The following ATP6V0A2 variants were observed in gnomAD, a reference collection of about 807,000 sequenced individuals.
The protein encoded by ATP6V0A2 is ATPase H+ transporting V0 subunit a2.
A neutral mutation model predicts 104.4 loss-of-function variants in ATP6V0A2; 58 were observed. That is an observed-to-expected ratio of 0.56 (90% CI 0.45 to 0.69). ATP6V0A2 has a LOEUF of 0.69. Among genes scored for constraint, ATP6V0A2 ranks in the 30% least tolerant of loss-of-function variants. The pLI is 0.00. For synonymous variants in ATP6V0A2, 376 were observed against 397.9 expected (o/e 0.95, Z 0.65); for missense variants, 938 against 1,062.9 (o/e 0.88, Z 1.63).
Position 123,757,955 on chromosome 12 carries a change from G to A in ATP6V0A2, c.2494G>A (p.Gly832Ser), listed in dbSNP as rs1309151924. 6.2e-7 allele frequency: 1 copy of A among 1,603,270 alleles called. No individual in the cohort carries two copies. Among genetic ancestry groups the A allele is most frequent in the South Asian group, 1.1e-5 (1 of 89,492 alleles). Residue 832 changes from glycine to serine, a missense_variant, in exon 20 of 20, where the codon GGT becomes AGT. By Grantham distance (56) the Gly-to-Ser change is moderately conservative. Coordinates refer to ENST00000330342, the MANE Select transcript of ATP6V0A2 (RefSeq NM_012463.4). ...AGAATTTCAGAACAAATTCTACGTT[G>A]GTGCAGGCACCAAATTTGTTCCTTT... ...WVEFQNKFYV[G>S]AGTKFVPFSF...
intron 7 of ATP6V0A2, among the ~76,000 whole-genome samples, chr12:123,734,493 A>G (rs977476169): frequency 2.0e-5 from 3 of 152,148 alleles, no homozygotes; most frequent in African/African-American, 4.8e-5. Context: ...ACCAAGCCTC[A>G]GTTTCTTCAT....
chr12:123,751,840 C>A (rs77589367), intron 16 of ATP6V0A2, among the ~76,000 whole-genome samples: 1 of 147,088 alleles, frequency 6.8e-6, no homozygotes, highest in Admixed American at 7.0e-5. Context: ...TTTCTTTTTT[C>A]TTTTCTTTTC....
chr12:123,737,297 C>T lies in ATP6V0A2; in HGVS notation c.1038+26C>T, dbSNP rs374240310. 2.5e-6 allele frequency: 4 copies of T among 1,605,150 alleles called. No homozygotes were observed. In the African/African-American group the frequency reaches 5.4e-5, roughly 22 times the overall value. ...GTAAGGCTGCCTTCCTCTCCTCTGCCAGGAACAGAAGAGAGACTGATGGAA... is the reference window on the plus strand; with the variant it reads ...GTAAGGCTGCCTTCCTCTCCTCTGCTAGGAACAGAAGAGAGACTGATGGAA... On this transcript the variant is annotated intron_variant, in intron 9 of 19. Transcript: ENST00000330342.
Position 123,744,820 on chromosome 12 carries a change from A to C in ATP6V0A2, c.1514+36A>C, listed in dbSNP as rs374681433. The C allele has an allele frequency of 9.8e-5, 158 of 1,613,942 alleles. No homozygotes were observed. Among genetic ancestry groups the C allele is most frequent in the Non-Finnish European group, 1.3e-4 (156 of 1,179,964 alleles). On this transcript the variant is annotated intron_variant, in intron 12 of 19. Transcript: ENST00000330342. The surrounding 1 kb of genome is among the most constrained non-coding windows in gnomAD (Gnocchi z 5.4). ...CATAGCTGGTGATGCTCTGGGTGGA[A>C]AGCATGTTTCCTAGACCTTCCTCCT...
intron 18 of ATP6V0A2, chr12:123,754,816 TGA>T (rs1254966397): frequency 6.3e-6 from 3 of 476,304 alleles, no homozygotes; most frequent in Non-Finnish European, 1.1e-5. Context: ...CAAGGGGCTT[TGA>T]GAACTGAGAC....
Position 123,757,970 on chromosome 12 carries a change from T to C in ATP6V0A2, c.2509T>C (p.Phe837Leu), listed in dbSNP as rs1956780598. 8 of 1,612,674 alleles carry C rather than the reference T, an allele frequency of 5.0e-6. No individual in the cohort carries two copies. The highest frequency in any genetic ancestry group is 6.8e-6 in the Non-Finnish European group (8 of 1,179,712). Residue 837 changes from phenylalanine (F) to leucine (L), a missense_variant, in exon 20 of 20, where the codon TTT (phenylalanine) becomes CTT (leucine). By Grantham distance (22) the Phe-to-Leu change is conservative (BLOSUM62 0). Coordinates refer to ENST00000330342, the MANE Select transcript of ATP6V0A2 (RefSeq NM_012463.4). ...NKFYVGAGTK[F>L]VPFSFSLLSS... ...ATTCTACGTTGGTGCAGGCACCAAATTTGTTCCTTTCTCATTCAGTCTACT... is the reference window on the plus strand; with the variant it reads ...ATTCTACGTTGGTGCAGGCACCAAACTTGTTCCTTTCTCATTCAGTCTACT...
intron 6 of ATP6V0A2, among the ~76,000 whole-genome samples, chr12:123,729,071 T>C (rs572903146): frequency 1.3e-5 from 2 of 152,330 alleles, no homozygotes; most frequent in South Asian, 4.1e-4. Flanking sequence ...AAATATCCTA[T>C]TCTTCATCAG....
At chr12:123,737,696 G>A (rs565716538) in intron 9 of ATP6V0A2, 1 of 237,974 alleles carries the variant, frequency 4.2e-6, no homozygotes, top group East Asian at 1.0e-4. Flanking sequence ...ACACAGTGCA[G>A]TGGCTTCCTC....
intron 3 of ATP6V0A2, among the ~76,000 whole-genome samples, chr12:123,722,707 C>T (rs1001240424): frequency 1.3e-5 from 2 of 152,086 alleles, no homozygotes; most frequent in African/African-American, 4.8e-5. Context: ...TGAACAGAGG[C>T]AACAAGAATC....
intron 7 of ATP6V0A2, 49 bp downstream of exon 7, chr12:123,734,057 C>T (rs780794264): frequency 6.8e-7 from 1 of 1,474,588 alleles, no homozygotes; most frequent in Admixed American, 1.7e-5. Context: ...TATTCAGTCA[C>T]CTCTAGTTTT....
In ATP6V0A2 at chr12:123,722,405, C is replaced by T; in HGVS notation, c.251C>T (p.Ala84Val). The change falls in exon 3 of 20, where the codon GCC becomes GTC. Residue 84 changes from alanine (A) to valine (V), a missense_variant. Physicochemically the swap from Ala to Val is moderately conservative, Grantham distance 64. Coordinates refer to ENST00000330342, the MANE Select transcript of ATP6V0A2 (RefSeq NM_012463.4). Reference protein sequence around the residue: ...RADIPLPEGEASPPAPPLKQV... With the variant: ...RADIPLPEGEVSPPAPPLKQV... ...GATATTCCCCTTCCTGAAGGAGAGG[C>T]CAGCCCTCCTGCGCCACCCCTGAAA... The T allele has an allele frequency of 1.9e-6, 3 of 1,612,906 alleles. No individual in the cohort carries two copies. Among genetic ancestry groups the T allele is most frequent in the Non-Finnish European group, 2.5e-6 (3 of 1,178,874 alleles).
intron 1 of ATP6V0A2, among the ~76,000 whole-genome samples, chr12:123,712,924 G>A (rs942697705): frequency 6.6e-6 from 1 of 152,174 alleles, no homozygotes; most frequent in East Asian, 1.9e-4. Context: ...AGGATCGCCC[G>A]TGTGGTCTTC....
At chr12:123,717,664 AAACTACTGGCCTC>A (rs1956357631) in intron 1 of ATP6V0A2, among the ~76,000 whole-genome samples, 1 of 151,712 alleles carries the variant, frequency 6.6e-6, no homozygotes, top group African/African-American at 2.4e-5. Flanking sequence ...GGCTGGCCTC[AAACTACTGGCCTC>A]AGGTAGTCCT....
intron 17 of ATP6V0A2, among the ~76,000 whole-genome samples, chr12:123,753,013 T>TA (rs1268710864): frequency 1.3e-5 from 2 of 152,188 alleles, no homozygotes; most frequent in African/African-American, 4.8e-5. Flanking sequence ...AATCCCCAAA[T>TA]ACCTGCCATC....
rs1361273590 is a variant in ATP6V0A2, at chr12:123,759,964, G to C, written c.*1932G>C. On this transcript the variant is annotated 3_prime_UTR_variant, in exon 20 of 20. Coordinates refer to ENST00000330342, the MANE Select transcript of ATP6V0A2 (RefSeq NM_012463.4). ...GGTGTCATGTCGGGCACTTGTGTTG[G>C]GTGACTATGACATCCCAGCAGTGCT... is the stretch of plus-strand genomic sequence containing the variant. The C allele has an allele frequency of 1.3e-5, 2 of 152,154 alleles. No homozygotes were observed. The highest frequency in any genetic ancestry group is 2.9e-5 in the Non-Finnish European group (2 of 68,040). The allele number at this position is 152,154 out of a possible 1,614,324, so 9.4% of individuals were successfully genotyped here. A position where few individuals can be genotyped will look rare whatever the true frequency, so the allele number is the denominator to read the frequency against.
chr12:123,731,312 G>A (rs967453287), intron 6 of ATP6V0A2: 8 of 152,134 alleles, frequency 5.3e-5, no homozygotes, highest in African/African-American at 1.9e-4. Context: ...ATAGTGTCAG[G>A]TTTACTGTCT....
chr12:123,735,706 A>C, intron 8 of ATP6V0A2, 82 bp downstream of exon 8: 2 of 1,140,822 alleles, frequency 1.8e-6, no homozygotes, highest in Non-Finnish European at 2.6e-6. Context: ...TTTTTAACAT[A>C]GATAATATTG....
At chr12:123,756,540 G>A (rs2135923312) in intron 18 of ATP6V0A2, 1 of 451,700 alleles carries the variant, frequency 2.2e-6, no homozygotes, top group East Asian at 3.9e-5. Flanking sequence ...GTGCGCTTTG[G>A]GAGGTCACAA....
intron 17 of ATP6V0A2, among the ~76,000 whole-genome samples, chr12:123,753,430 G>A (rs1474022974): frequency 2.6e-5 from 4 of 152,252 alleles, no homozygotes; most frequent in Non-Finnish European, 4.4e-5. Flanking sequence ...CTGGCAGGCT[G>A]CTTTCCCCTG....
Sources: gnomAD v4.1 joint callset for allele counts (sites outside exome capture counted in the v4.1 genomes callset) on GRCh38, gnomAD v4.1.1 for gene constraint, Gnocchi (gnomAD v3.1) non-coding constraint, MANE v1.5 for transcripts, NCBI Gene and HGNC (gene_info 2026-07-23, HGNC 2026-07-21) for gene names.